The following NME7 variants were observed in gnomAD, a reference collection of about 807,000 sequenced individuals.
NME7 encodes the protein nucleoside diphosphate kinase 7.
In NME7, 41 loss-of-function variants were observed where a neutral mutation model predicts 49.1. The observed-to-expected ratio is 0.83, with a 90% CI of 0.65 to 1.08. The LOEUF (loss-of-function observed/expected upper bound fraction) is 1.08. Among genes scored for constraint, NME7 ranks in the 50% least tolerant of loss-of-function variants. NME7 has a pLI of 0.00. For missense variants in NME7, 423 were observed against 463.4 expected, an observed-to-expected ratio of 0.91 and a Z score of 0.80; for synonymous variants, 139 against 150.6, an observed-to-expected ratio of 0.92 and a Z score of 0.56.
intron 11 of NME7, among the ~76,000 whole-genome samples, chr1:169,159,027 T>A (rs910023328): frequency 5.3e-5 from 8 of 152,156 alleles, no homozygotes; most frequent in Non-Finnish European, 8.8e-5. Context: ...GTAACAGAAC[T>A]ACATTTACTC....
intron 1 of NME7, among the ~76,000 whole-genome samples, chr1:169,337,295 T>A (rs909486551): frequency 6.6e-6 from 1 of 152,150 alleles, no homozygotes; most frequent in Admixed American, 6.5e-5. Context: ...GGGGACCCAG[T>A]ACACCCTCCG....
intron 11 of NME7, among the ~76,000 whole-genome samples, chr1:169,147,417 T>C (rs1488726829): frequency 6.6e-6 from 1 of 152,208 alleles, no homozygotes; most frequent in Non-Finnish European, 1.5e-5. Flanking sequence ...TGGACCCAGA[T>C]TGCCTGGGTT....
chr1:169,155,304 T>G (rs1659036211), intron 11 of NME7, among the ~76,000 whole-genome samples: 1 of 152,230 alleles, frequency 6.6e-6, no homozygotes, highest in Non-Finnish European at 1.5e-5. Flanking sequence ...CACTGCTTTC[T>G]GGCAAAATGG....
chr1:169,148,288 C>T (rs1658817504), intron 11 of NME7, among the ~76,000 whole-genome samples: 1 of 152,180 alleles, frequency 6.6e-6, no homozygotes, highest in Non-Finnish European at 1.5e-5. Flanking sequence ...CAGGTGTGAA[C>T]CACTGCACCC....
At chr1:169,155,095 T>C (rs1356780690) in intron 11 of NME7, among the ~76,000 whole-genome samples, 2 of 152,182 alleles carry the variant, frequency 1.3e-5, no homozygotes, top group African/African-American at 4.8e-5. Flanking sequence ...CCACAGCACC[T>C]GTCCCAATTT....
chr1:169,159,668 T>TG (rs1659186816), intron 11 of NME7, among the ~76,000 whole-genome samples: 1 of 152,204 alleles, frequency 6.6e-6, no homozygotes, highest in South Asian at 2.1e-4. Flanking sequence ...AAATGAAACT[T>TG]GGATATCCCC....
chr1:169,359,600 T>A (rs563452938), intron 1 of NME7, among the ~76,000 whole-genome samples: 45 of 152,188 alleles, frequency 3.0e-4, no homozygotes, highest in Admixed American at 1.9e-3. Context: ...TATTTTCTCA[T>A]TTCTAAAAAT....
chr1:169,238,477 G>GCACACACA (rs138287537), intron 7 of NME7, among the ~76,000 whole-genome samples: 2,649 of 124,070 alleles, frequency 0.021, 62 homozygotes, highest in East Asian at 0.059. Flanking sequence ...ATGCACAAAG[G>GCACACACA]CACACACACA....
intron 11 of NME7, among the ~76,000 whole-genome samples, chr1:169,143,632 C>G (rs1252609097): frequency 1.3e-5 from 2 of 152,152 alleles, no homozygotes; most frequent in African/African-American, 4.8e-5. Flanking sequence ...AGCTCTTGTT[C>G]ATTACTGTCT....
chr1:169,210,425 TA>T (rs1306512789), intron 10 of NME7, among the ~76,000 whole-genome samples: 2 of 152,194 alleles, frequency 1.3e-5, no homozygotes, highest in South Asian at 2.1e-4. Flanking sequence ...AGTGAGGTAA[TA>T]GTAAACATTA....
Position 169,310,013 on chromosome 1 carries a change from C to T in NME7, c.346G>A (p.Ala116Thr). Residue 116 changes from alanine (A) to threonine (T), a missense_variant, in exon 4 of 12, where the codon GCT becomes ACT. Physicochemically the swap from Ala to Thr is moderately conservative, Grantham distance 58. Transcript: ENST00000367811. Reference protein sequence around the residue: ...AGEIIEIINKAGFTITKLKMM... With the variant: ...AGEIIEIINKTGFTITKLKMM... ...TTGAGTTTGGTTATAGTAAATCCAG[C>T]TTTGTTTATTATTTCAATTATTTCT... The T allele has an allele frequency of 6.2e-7, 1 of 1,606,794 alleles. No homozygotes were observed. Among genetic ancestry groups the T allele is most frequent in the Non-Finnish European group, 8.5e-7 (1 of 1,176,766 alleles).
intron 3 of NME7, among the ~76,000 whole-genome samples, chr1:169,316,769 T>G (rs1444020939): frequency 6.6e-6 from 1 of 152,212 alleles, no homozygotes; most frequent in East Asian, 1.9e-4. Context: ...AGGAAATTGA[T>G]TCTTTCCTAG....
chr1:169,170,281 AAAG>A (rs1659543905), intron 10 of NME7, among the ~76,000 whole-genome samples: 2 of 152,166 alleles, frequency 1.3e-5, no homozygotes, highest in South Asian at 2.1e-4. Flanking sequence ...ATGTTAGAAG[AAAG>A]AAGAACAACA....
intron 7 of NME7, chr1:169,286,529 C>T (rs1014610907): frequency 1.3e-5 from 2 of 151,916 alleles, no homozygotes; most frequent in African/African-American, 4.8e-5. Context: ...AAGAAAAGAA[C>T]TTGCAAACTC....
chr1:169,204,460 A>G (rs954125026), intron 10 of NME7, among the ~76,000 whole-genome samples: 1 of 152,066 alleles, frequency 6.6e-6, no homozygotes, highest in African/African-American at 2.4e-5. Context: ...CTATTATACT[A>G]TATCCAATGC....
chr1:169,135,040 A>G (rs1297704664), intron 11 of NME7, among the ~76,000 whole-genome samples: 1 of 147,662 alleles, frequency 6.8e-6, no homozygotes, highest in Non-Finnish European at 1.5e-5. Flanking sequence ...AAAAAAAAAA[A>G]ATAGCCGAGC....
At chr1:169,209,848 T>C (rs866343953) in intron 10 of NME7, among the ~76,000 whole-genome samples, 3 of 152,120 alleles carry the variant, frequency 2.0e-5, no homozygotes, top group Non-Finnish European at 2.9e-5. Context: ...TGCTAGGTTC[T>C]CCCCAGATTT....
intron 7 of NME7, among the ~76,000 whole-genome samples, chr1:169,252,990 T>C (rs939297390): frequency 3.6e-4 from 54 of 149,858 alleles, no homozygotes; most frequent in Non-Finnish European, 6.6e-4. Context: ...TGAAGTCAGG[T>C]AGTGTGATGC....
intron 1 of NME7, among the ~76,000 whole-genome samples, chr1:169,326,715 C>T (rs12038609): frequency 0.1 from 15,672 of 152,096 alleles, 853 homozygotes; most frequent in Admixed American, 0.12. Flanking sequence ...TTTACCTTTA[C>T]AGTAAAAACT....
Sources: allele counts gnomAD v4.1 joint callset (sites outside exome capture counted in the v4.1 genomes callset), GRCh38; gene constraint gnomAD v4.1.1; transcripts MANE v1.5; gene names NCBI Gene and HGNC (gene_info 2026-07-23, HGNC 2026-07-21).